Variants in SNTG1 observed in about 807,000 individuals in gnomAD.
SNTG1 encodes syntrophin gamma 1, also known as gamma-1-syntrophin.
Under a neutral mutation model 74.7 loss-of-function variants are expected in SNTG1, and 39 were observed. The ratio of observed to expected loss-of-function variants is 0.52; its 90% confidence interval spans 0.40 to 0.68. SNTG1 has a LOEUF of 0.68. Among genes scored for constraint, SNTG1 ranks in the 30% least tolerant of loss-of-function variants. SNTG1 has a pLI of 0.00. For missense variants in SNTG1, 685 were observed against 609.5 expected (o/e 1.12, Z -1.30); for synonymous variants, 254 against 217.1 (o/e 1.17, Z -1.49).
intron 1 of SNTG1, among the ~76,000 whole-genome samples, chr8:49,923,765 G>A (rs1806775837): frequency 6.6e-6 from 1 of 152,076 alleles, no homozygotes; most frequent in African/African-American, 2.4e-5. Flanking sequence ...AAGAATAAAA[G>A]CTCTCTGGCT....
At chr8:50,299,185 G>A (rs1587008610) in intron 2 of SNTG1, among the ~76,000 whole-genome samples, 1 of 151,484 alleles carries the variant, frequency 6.6e-6, no homozygotes, top group East Asian at 2.0e-4. Context: ...CCATGAGAAA[G>A]AGAAATACCA....
intron 1 of SNTG1, among the ~76,000 whole-genome samples, chr8:49,919,876 G>A (rs866585928): frequency 3.6e-4 from 55 of 152,072 alleles, no homozygotes; most frequent in South Asian, 6.2e-4. Flanking sequence ...TAAAACTCCC[G>A]AAAGTAGATT....
intron 18 of SNTG1, among the ~76,000 whole-genome samples, chr8:50,786,575 C>T (rs1429251127): frequency 2.0e-5 from 3 of 151,764 alleles, no homozygotes; most frequent in African/African-American, 7.3e-5. Context: ...GAGAGAACCC[C>T]CAGTTCCATA....
At chr8:50,052,807 A>G (rs922834222) in intron 1 of SNTG1, among the ~76,000 whole-genome samples, 1 of 152,166 alleles carries the variant, frequency 6.6e-6, no homozygotes, top group Non-Finnish European at 1.5e-5. Flanking sequence ...TATGCAAATG[A>G]AAGTATGCTT....
intron 2 of SNTG1, among the ~76,000 whole-genome samples, chr8:50,259,571 A>T (rs2087076184): frequency 6.7e-6 from 1 of 149,826 alleles, no homozygotes; most frequent in Non-Finnish European, 1.5e-5. Flanking sequence ...AAAGAAAGAA[A>T]GAGAAAATAA....
chr8:50,441,112 G>A (rs1262251035), intron 5 of SNTG1, among the ~76,000 whole-genome samples: 1 of 152,082 alleles, frequency 6.6e-6, no homozygotes, highest in Non-Finnish European at 1.5e-5. Flanking sequence ...GGACAGTGTG[G>A]TGGGGCTTCT....
At chr8:50,003,651 A>G (rs1814951619) in intron 1 of SNTG1, among the ~76,000 whole-genome samples, 1 of 152,204 alleles carries the variant, frequency 6.6e-6, no homozygotes, top group Non-Finnish European at 1.5e-5. Context: ...AACTCTATTT[A>G]GAAGATAGAC....
At chr8:50,391,801 G>A (rs986717089) in intron 2 of SNTG1, among the ~76,000 whole-genome samples, 1 of 152,068 alleles carries the variant, frequency 6.6e-6, no homozygotes, top group Non-Finnish European at 1.5e-5. Flanking sequence ...AGTCTTGGGA[G>A]TGTGTATGTG....
chr8:50,581,020 AGT>A (rs979451037), intron 12 of SNTG1, among the ~76,000 whole-genome samples: 3 of 152,238 alleles, frequency 2.0e-5, no homozygotes, highest in African/African-American at 7.2e-5. Context: ...AGTAATGGAC[AGT>A]GTGTAATTAC....
intron 4 of SNTG1, among the ~76,000 whole-genome samples, chr8:50,409,679 A>T (rs1272231982): frequency 6.6e-6 from 1 of 152,232 alleles, no homozygotes; most frequent in Admixed American, 6.5e-5. Context: ...TCTAAGTCAG[A>T]GATATCTGTG....
chr8:50,464,323 G>T (rs1004961953), intron 8 of SNTG1, among the ~76,000 whole-genome samples: 1 of 152,056 alleles, frequency 6.6e-6, no homozygotes, highest in African/African-American at 2.4e-5. Flanking sequence ...GCCCTATTTT[G>T]CCTTCCAATA....
intron 2 of SNTG1, among the ~76,000 whole-genome samples, chr8:50,375,657 C>A (rs1476007532): frequency 1.3e-5 from 2 of 152,150 alleles, no homozygotes; most frequent in East Asian, 1.9e-4. Flanking sequence ...AGATAAGTCA[C>A]AAAATCCTCT....
At chr8:50,462,796 C>CTTTTTTTTTTTTTTT (rs869119447) in intron 8 of SNTG1, among the ~76,000 whole-genome samples, 4 of 57,410 alleles carry the variant, frequency 7.0e-5, no homozygotes, top group East Asian at 5.9e-4. Flanking sequence ...AGGTTCTACT[C>CTTTTTTTTTTTTTTT]TTTTTTTTTT....
intron 2 of SNTG1, among the ~76,000 whole-genome samples, chr8:50,358,190 AC>A (rs1393076937): frequency 6.6e-6 from 1 of 152,202 alleles, no homozygotes; most frequent in African/African-American, 2.4e-5. Context: ...TTTCAGAAGC[AC>A]CTTGAACTTT....
At chr8:50,581,352 G>T (rs1232064315) in intron 12 of SNTG1, among the ~76,000 whole-genome samples, 1 of 152,080 alleles carries the variant, frequency 6.6e-6, no homozygotes, top group African/African-American at 2.4e-5. Context: ...AAATTCTATG[G>T]TCATGTTTCA....
At chr8:50,610,926 G>A (rs1230586527) in intron 13 of SNTG1, among the ~76,000 whole-genome samples, 1 of 151,778 alleles carries the variant, frequency 6.6e-6, no homozygotes, top group African/African-American at 2.4e-5. Flanking sequence ...ATGTGATTAG[G>A]ATTTCTTTTT....
At chr8:50,479,716 C>T (rs1375795216) in intron 8 of SNTG1, among the ~76,000 whole-genome samples, 2 of 152,082 alleles carry the variant, frequency 1.3e-5, no homozygotes, top group Non-Finnish European at 2.9e-5. Flanking sequence ...CCTTCCTCCT[C>T]TTCAGCTGTC....
chr8:50,747,236 GGT>G (rs1224338931), intron 17 of SNTG1, among the ~76,000 whole-genome samples: 1 of 151,858 alleles, frequency 6.6e-6, no homozygotes. Context: ...CCTGAAAGGG[GGT>G]AGCAGAAAAT....
chr8:50,391,520 G>T (rs2092660212), intron 2 of SNTG1, among the ~76,000 whole-genome samples: 1 of 152,098 alleles, frequency 6.6e-6, no homozygotes, highest in Non-Finnish European at 1.5e-5. Context: ...AGGAGTATTG[G>T]TCTAAAATTC....
Sources: allele counts gnomAD v4.1 joint callset (sites outside exome capture counted in the v4.1 genomes callset), GRCh38; gene constraint gnomAD v4.1.1; transcripts MANE v1.5; gene names NCBI Gene and HGNC (gene_info 2026-07-23, HGNC 2026-07-21).